The following RGPD2 variants were observed in gnomAD, a reference collection of about 807,000 sequenced individuals.
RGPD2 encodes RANBP2-like and GRIP domain-containing protein 2.
RGPD2 carries 2 observed loss-of-function variants against 36.0 expected under a neutral mutation model. That is an observed-to-expected ratio of 0.06 (90% CI 0.02 to 0.17). RGPD2 has a LOEUF of 0.17. Ranked by LOEUF, RGPD2 falls within the 10% of genes least tolerant of loss-of-function variation. The probability of loss-of-function intolerance (pLI) is 1.00; values close to 1 mark genes in which losing one functional copy is unlikely to be tolerated. For missense variants in RGPD2, 40 were observed against 464.3 expected (o/e 0.09, Z 8.40); for synonymous variants, 19 against 163.8 (o/e 0.12, Z 6.75).
chr2:87,952,595 A>G, the RGPD2 span, among the ~76,000 whole-genome samples: 12 of 152,314 alleles, frequency 7.9e-5, no homozygotes, highest in African/African-American at 2.9e-4. Flanking sequence ...ATTAGATAAT[A>G]AGGCTTCTGC....
At chr2:87,863,939 A>G in the RGPD2 span, among the ~76,000 whole-genome samples, 2 of 151,958 alleles carry the variant, frequency 1.3e-5, no homozygotes, top group African/African-American at 4.8e-5. Context: ...TGTATGCAGA[A>G]TAGCTGCATC....
At chr2:87,836,438 G>A in the RGPD2 span, among the ~76,000 whole-genome samples, 1 of 151,886 alleles carries the variant, frequency 6.6e-6, no homozygotes, top group Non-Finnish European at 1.5e-5. Context: ...AGAGACTGGG[G>A]ACCTATATTC....
intron 17 of RGPD2, among the ~76,000 whole-genome samples, chr2:87,789,985 T>G (rs2104303072): frequency 6.6e-6 from 1 of 152,420 alleles, no homozygotes; most frequent in South Asian, 2.1e-4. Flanking sequence ...TGAAGAAAAC[T>G]AAATGACAGC....
At chr2:87,915,337 T>C in the RGPD2 span, among the ~76,000 whole-genome samples, 14 of 109,406 alleles carry the variant, frequency 1.3e-4, 3 homozygotes, top group East Asian at 3.3e-3. Flanking sequence ...ATATTGTATA[T>C]ATAATGTATA....
At chr2:87,761,177 TTTC>T (rs1240398808) in intron 22 of RGPD2, among the ~76,000 whole-genome samples, 1 of 34,510 alleles carries the variant, frequency 2.9e-5, no homozygotes, top group Non-Finnish European at 6.1e-5. Context: ...TTCATCTTTA[TTTC>T]TTCTTAGTGT....
intron 1 of RGPD2, among the ~76,000 whole-genome samples, chr2:87,824,542 CCT>C (rs1686527013): frequency 6.6e-6 from 1 of 151,844 alleles, no homozygotes; most frequent in African/African-American, 2.4e-5. Context: ...TCCAAAGCAC[CCT>C]GTTTTGTCAT....
intron 21 of RGPD2, among the ~76,000 whole-genome samples, chr2:87,773,693 C>CAAAA (rs1305018424): frequency 3.8e-4 from 1 of 2,602 alleles, no homozygotes; most frequent in African/African-American, 1.1e-3. Flanking sequence ...AAGACTATCT[C>CAAAA]AAAAAAAAAA....
chr2:87,928,982 T>C, the RGPD2 span, among the ~76,000 whole-genome samples: 1 of 151,936 alleles, frequency 6.6e-6, no homozygotes, highest in Admixed American at 6.6e-5. Context: ...GCAGATATTT[T>C]CTCCCATTCT....
intron 8 of RGPD2, among the ~76,000 whole-genome samples, chr2:87,799,099 T>TA (rs1558729264): frequency 2.0e-5 from 3 of 150,590 alleles, no homozygotes; most frequent in African/African-American, 7.3e-5. Flanking sequence ...CCGGGCGCGG[T>TA]GGCTCACGCC....
At chr2:87,986,752 C>T in the RGPD2 span, among the ~76,000 whole-genome samples, 1 of 151,198 alleles carries the variant, frequency 6.6e-6, no homozygotes, top group Non-Finnish European at 1.5e-5. Flanking sequence ...TTGTGGCAGG[C>T]ACCTGTAATC....
the RGPD2 span, among the ~76,000 whole-genome samples, chr2:87,939,996 A>C: frequency 3.2e-3 from 483 of 150,226 alleles, no homozygotes; most frequent in African/African-American, 9.0e-3. Flanking sequence ...AAACGAAACT[A>C]GCAAAAGACA....
At chr2:87,988,022 T>C in the RGPD2 span, among the ~76,000 whole-genome samples, 1 of 151,964 alleles carries the variant, frequency 6.6e-6, no homozygotes, top group African/African-American at 2.4e-5. Context: ...CTATAGCAAC[T>C]TGGAATACCA....
the RGPD2 span, among the ~76,000 whole-genome samples, chr2:87,879,537 T>A: frequency 1.1e-4 from 13 of 115,838 alleles, no homozygotes; most frequent in African/African-American, 4.6e-4. Context: ...TGTTTTAGTT[T>A]CTAGCTGCCA....
chr2:87,769,828 CTTCT>C (rs1422694234), intron 22 of RGPD2, among the ~76,000 whole-genome samples: 1 of 151,540 alleles, frequency 6.6e-6, no homozygotes, highest in Non-Finnish European at 1.5e-5. Context: ...AAGTAGATTT[CTTCT>C]TTTTTATAAC....
the RGPD2 span, among the ~76,000 whole-genome samples, chr2:87,986,734 G>C: frequency 6.6e-6 from 1 of 151,200 alleles, no homozygotes; most frequent in East Asian, 2.0e-4. Flanking sequence ...ACAAAAATTA[G>C]TTGGGCATTG....
the RGPD2 span, among the ~76,000 whole-genome samples, chr2:87,961,801 C>T: frequency 1.5e-4 from 22 of 151,160 alleles, no homozygotes; most frequent in East Asian, 4.1e-3. Context: ...CCCTCCAATA[C>T]TGTATTTTCT....
the RGPD2 span, among the ~76,000 whole-genome samples, chr2:87,951,584 T>C: frequency 6.6e-6 from 1 of 151,620 alleles, no homozygotes. Flanking sequence ...GCACAATGGC[T>C]GGAACAGAAT....
chr2:87,978,647 C>T, the RGPD2 span, among the ~76,000 whole-genome samples: 1 of 62,454 alleles, frequency 1.6e-5, no homozygotes. Flanking sequence ...AATTAAAATT[C>T]ATGCCTGTAA....
the RGPD2 span, among the ~76,000 whole-genome samples, chr2:87,917,825 G>A: frequency 8.3e-6 from 1 of 120,012 alleles, no homozygotes; most frequent in Non-Finnish European, 1.7e-5. Context: ...CTAATGTTTG[G>A]ATGTTTACAA....
Sources: allele counts gnomAD v4.1 joint callset (sites outside exome capture counted in the v4.1 genomes callset), GRCh38; gene constraint gnomAD v4.1.1; transcripts MANE v1.5; gene names NCBI Gene and HGNC (gene_info 2026-07-23, HGNC 2026-07-21).